The following CBLN3 variants were observed in gnomAD, a reference collection of about 807,000 sequenced individuals.
CBLN3 encodes the protein cerebellin-3.
In CBLN3, 14 loss-of-function variants were observed where a neutral mutation model predicts 17.4. That is an observed-to-expected ratio of 0.81 (90% confidence interval 0.53 to 1.26). CBLN3 has a LOEUF of 1.26. CBLN3 is among the 50% of genes most tolerant of loss of function. The probability of loss-of-function intolerance (pLI) is 0.00; values close to 1 mark genes in which losing one functional copy is unlikely to be tolerated. For missense variants in CBLN3, 263 were observed against 268.5 expected (o/e 0.98, Z 0.14); for synonymous variants, 129 against 117.4 (o/e 1.10, Z -0.64).
rs1296396462 is a variant in CBLN3, at chr14:24,429,357, C to T, written c.-303G>A. On this transcript the variant is annotated 5_prime_UTR_variant, in exon 1 of 3. Coordinates refer to ENST00000267406, the MANE Select transcript of CBLN3 (RefSeq NM_001039771.3). ...CTGCAGCCAGAGCTTCAGGGCAGCC[C>T]TGCTGGATGGGACAGCACTGAGGGC... is the stretch of plus-strand genomic sequence containing the variant. 3 of 632,640 alleles carry T rather than the reference C, an allele frequency of 4.7e-6. No individual in the cohort carries two copies. In the East Asian group the frequency reaches 9.7e-5, roughly 21 times the overall value. 39.2% of individuals were successfully genotyped at this position (632,640 alleles called of 1,614,324 possible). A position where few individuals can be genotyped will look rare whatever the true frequency, so the allele number is the denominator to read the frequency against.
At position 24,428,153 on chromosome 14, in the gene CBLN3, A is replaced by G. The variant is rs1037326743; in HGVS notation, c.420+133T>C. On this transcript the variant is annotated intron_variant, in intron 2 of 2. Coordinates refer to ENST00000267406, the MANE Select transcript of CBLN3 (RefSeq NM_001039771.3). ...ACATCCTCCACACTCAATGCAAGGC[A>G]GGCCCATTCCTCCCCTGGTCCTGGC... 7.3e-6 allele frequency: 10 copies of G among 1,372,388 alleles called. No homozygotes were observed. The Admixed American group carries it at 1.9e-4, about 27-fold the overall frequency. The allele number at this position is 1,372,388 out of a possible 1,614,324, so 85.0% of individuals were successfully genotyped here.
intron 1 of CBLN3, 50 bp from the exon 2 acceptor site, chr14:24,428,455 C>T (rs758155600): frequency 7.5e-6 from 12 of 1,607,222 alleles, no homozygotes; most frequent in Non-Finnish European, 1.0e-5. Context: ...GCCCATGGCT[C>T]AGGGGTACCA....
chr14:24,428,859 C>T lies in CBLN3; in HGVS notation c.196G>A (p.Glu66Lys). ...AATGCCACTCGCCCAGGGGGTGCCT[C>T]TCCCAGGGCTGCTCCCCCGGGCCCC... Reference protein sequence around the residue: ...AGGPGGAALGEAPPGRVAFAA... With the variant: ...AGGPGGAALGKAPPGRVAFAA... The change falls in exon 1 of 3, where the codon GAG becomes AAG. Residue 66 changes from glutamate (E) to lysine (K), a missense_variant. Coordinates refer to ENST00000267406, the MANE Select transcript of CBLN3 (RefSeq NM_001039771.3). 2.5e-6 allele frequency: 4 copies of T among 1,610,804 alleles called. 1 individual carries two copies. The East Asian group carries it at 6.7e-5, about 27-fold the overall frequency.
Position 24,429,158 on chromosome 14 carries a change from T to C in CBLN3, c.-104A>G. 2 of 1,230,386 alleles carry C rather than the reference T, an allele frequency of 1.6e-6. No homozygotes were observed. The highest frequency in any genetic ancestry group is 2.2e-6 in the Non-Finnish European group (2 of 898,400). The allele number at this position is 1,230,386 out of a possible 1,614,324, so 76.2% of individuals were successfully genotyped here. On this transcript the variant is annotated 5_prime_UTR_variant, in exon 1 of 3. Transcript: ENST00000267406. ...CCGCCGGCACCCTGATCGTCTGCCC[T>C]CTCTAGGCTCGCTGAACCCCCTCTC...
In CBLN3 at chr14:24,428,995, C is replaced by A. The variant is rs1389130769; in HGVS notation, c.60G>T (p.Leu20Phe). ...CCCCCAGGGCCAGAAGCACCAGAACCAAGGGCAGCCCGGGACTGTGTAGGG... is the reference window on the plus strand; with the variant it reads ...CCCCCAGGGCCAGAAGCACCAGAACAAAGGGCAGCCCGGGACTGTGTAGGG... Reference protein sequence around the residue: ...PGPLHSPGLPLVLVLLALGAG... With the variant: ...PGPLHSPGLPFVLVLLALGAG... Residue 20 changes from leucine to phenylalanine, a missense_variant, in exon 1 of 3, where the codon TTG (leucine) becomes TTT (phenylalanine). Leu to Phe is a conservative substitution (Grantham distance 22, BLOSUM62 0). Coordinates refer to ENST00000267406, the MANE Select transcript of CBLN3 (RefSeq NM_001039771.3). The A allele has an allele frequency of 1.3e-6, 2 of 1,549,876 alleles. No individual in the cohort carries two copies. Among genetic ancestry groups the A allele is most frequent in the Admixed American group, 3.9e-5 (2 of 50,892 alleles).
At position 24,429,107 on chromosome 14, in the gene CBLN3, T is replaced by C. The variant is rs2043058677; in HGVS notation, c.-53A>G. 8.3e-6 allele frequency: 12 copies of C among 1,451,452 alleles called. No individual in the cohort carries two copies. Among genetic ancestry groups the C allele is most frequent in the Non-Finnish European group, 1.1e-5 (12 of 1,096,630 alleles). The allele number at this position is 1,451,452 out of a possible 1,614,324, so 89.9% of individuals were successfully genotyped here. A position where few individuals can be genotyped will look rare whatever the true frequency, so the allele number is the denominator to read the frequency against. Reference sequence around the variant, plus strand: ...GCCCCGGTCTTCTGCCCCTCTTCTGTTTCCGCTCCTCTCCCTGGATTCTCA... The same window carrying C: ...GCCCCGGTCTTCTGCCCCTCTTCTGCTTCCGCTCCTCTCCCTGGATTCTCA... On this transcript the variant is annotated 5_prime_UTR_variant, in exon 1 of 3. Transcript: ENST00000267406.
rs980706749 is a variant in CBLN3 at position 24,427,680 on chromosome 14, G to A, written c.*109C>T. 5.0e-6 allele frequency: 5 copies of A among 990,474 alleles called. No homozygotes were observed. Among genetic ancestry groups the A allele is most frequent in the African/African-American group, 4.8e-5 (3 of 62,342 alleles). The allele number at this position is 990,474 out of a possible 1,614,324, so 61.4% of individuals were successfully genotyped here. A position where few individuals can be genotyped will look rare whatever the true frequency, so the allele number is the denominator to read the frequency against. On this transcript the variant is annotated 3_prime_UTR_variant, in exon 3 of 3. Coordinates refer to ENST00000267406, the MANE Select transcript of CBLN3 (RefSeq NM_001039771.3). The surrounding 1 kb of genome is among the most constrained non-coding windows in gnomAD (Gnocchi z 4.4). ...GCACAGGGTCCCATGCAAAGAGGTG[G>A]GATAGGAGCCAGAGGGAGTCTCTCT... is the stretch of plus-strand genomic sequence containing the variant.
At position 24,428,972 on chromosome 14, in the gene CBLN3, C is replaced by T; in HGVS notation, c.83G>A (p.Gly28Glu). ...TGACCCCTCCTGGGCCCACCCGGCC[C>T]CCAGGGCCAGAAGCACCAGAACCAA... ...LPLVLVLLAL[G>E]AGWAQEGSEP... The change falls in exon 1 of 3, where the codon GGG becomes GAG. Residue 28 changes from glycine to glutamate, a missense_variant. Gly to Glu is a moderately conservative substitution (Grantham distance 98). Coordinates refer to ENST00000267406, the MANE Select transcript of CBLN3 (RefSeq NM_001039771.3). 1 of 1,551,204 alleles carries T rather than the reference C, an allele frequency of 6.4e-7. No homozygotes were observed. Among genetic ancestry groups the T allele is most frequent in the South Asian group, 1.2e-5 (1 of 84,146 alleles).
Position 24,428,408 on chromosome 14 carries a change from G to C in CBLN3, c.301-3C>G. 6.2e-7 allele frequency: 1 copy of C among 1,613,390 alleles called. No homozygotes were observed. The highest frequency in any genetic ancestry group is 8.5e-7 in the Non-Finnish European group (1 of 1,179,548). ...CCACCGCCCTCGTTCACCAGGACCT[G>C]GGGGAAGCAGAGCCTGCTGAGTGGG... is the stretch of plus-strand genomic sequence containing the variant. On this transcript the variant is annotated splice_region_variant and splice_polypyrimidine_tract_variant and intron_variant, in intron 1 of 2. Transcript: ENST00000267406.
chr14:24,428,230 C>T, intron 2 of CBLN3, 56 bp downstream of exon 2: 1 of 1,601,358 alleles, frequency 6.2e-7, no homozygotes, highest in Admixed American at 1.7e-5. Flanking sequence ...CTGGGCTCCC[C>T]TTCTTCCCCC....
chr14:24,429,390 G>A lies in CBLN3; in HGVS notation c.-336C>T, dbSNP rs1420207468. 1 of 595,650 alleles carries A rather than the reference G, an allele frequency of 1.7e-6. No homozygotes were observed. Among genetic ancestry groups the A allele is most frequent in the Admixed American group, 2.1e-5 (1 of 46,536 alleles). 36.9% of individuals were successfully genotyped at this position (595,650 alleles called of 1,614,324 possible). A position where few individuals can be genotyped will look rare whatever the true frequency, so the allele number is the denominator to read the frequency against. On this transcript the variant is annotated 5_prime_UTR_variant, in exon 1 of 3. Transcript: ENST00000267406. ...TGGGACAGCACTGAGGGCTGGACCT[G>A]GGGGGATGGAGAACATGGTATGTGT...
chr14:24,428,491 G>C lies in CBLN3; in HGVS notation c.301-86C>G, dbSNP rs2043047960. 4 of 1,492,822 alleles carry C rather than the reference G, an allele frequency of 2.7e-6. No homozygotes were observed. The South Asian group carries it at 4.8e-5, about 18-fold the overall frequency. 92.5% of individuals were successfully genotyped at this position (1,492,822 alleles called of 1,614,324 possible). A position where few individuals can be genotyped will look rare whatever the true frequency, so the allele number is the denominator to read the frequency against. On this transcript the variant is annotated intron_variant, in intron 1 of 2. Coordinates refer to ENST00000267406, the MANE Select transcript of CBLN3 (RefSeq NM_001039771.3). ...TGGGGACTAGGGGCAGGGGCAGTGAGTAATGAATAGAAGGAGTGGCAAGTA... is the reference window on the plus strand; with the variant it reads ...TGGGGACTAGGGGCAGGGGCAGTGACTAATGAATAGAAGGAGTGGCAAGTA...
chr14:24,429,241 T>G lies in CBLN3; in HGVS notation c.-187A>C. On this transcript the variant is annotated 5_prime_UTR_variant, in exon 1 of 3. Transcript: ENST00000267406. Reference sequence around the variant, plus strand: ...ACTCTTACTCCTGCTGTCACTGCAGTTCCCTCCTCCTTGGCAGAGCATGCA... The same window carrying G: ...ACTCTTACTCCTGCTGTCACTGCAGGTCCCTCCTCCTTGGCAGAGCATGCA... The G allele has an allele frequency of 1.4e-6, 1 of 699,300 alleles. No individual in the cohort carries two copies. Among genetic ancestry groups the G allele is most frequent in the Non-Finnish European group, 2.5e-6 (1 of 404,902 alleles). 43.3% of individuals were successfully genotyped at this position (699,300 alleles called of 1,614,324 possible).
chr14:24,427,437 T>G lies in CBLN3; in HGVS notation c.*352A>C, dbSNP rs2043031102. On this transcript the variant is annotated 3_prime_UTR_variant, in exon 3 of 3. Coordinates refer to ENST00000267406, the MANE Select transcript of CBLN3 (RefSeq NM_001039771.3). The surrounding 1 kb of genome is among the most constrained non-coding windows in gnomAD (Gnocchi z 4.4). ...CAGGCTCACCTGCGCCACCTGTCCC[T>G]GATCAGCATTGAGCAGGAAGCTGGG... is the stretch of plus-strand genomic sequence containing the variant. The G allele has an allele frequency of 4.0e-6, 1 of 248,630 alleles. No homozygotes were observed. The highest frequency in any genetic ancestry group is 7.9e-6 in the Non-Finnish European group (1 of 126,888). The allele number at this position is 248,630 out of a possible 1,614,324, so 15.4% of individuals were successfully genotyped here.
In CBLN3 at chr14:24,427,573, G is replaced by C. The variant is rs1472321364; in HGVS notation, c.*216C>G. 7.1e-6 allele frequency: 4 copies of C among 565,842 alleles called. No individual in the cohort carries two copies. The highest frequency in any genetic ancestry group is 1.3e-5 in the Non-Finnish European group (4 of 318,618). The allele number at this position is 565,842 out of a possible 1,614,324, so 35.1% of individuals were successfully genotyped here. A position where few individuals can be genotyped will look rare whatever the true frequency, so the allele number is the denominator to read the frequency against. On this transcript the variant is annotated 3_prime_UTR_variant, in exon 3 of 3. Coordinates refer to ENST00000267406, the MANE Select transcript of CBLN3 (RefSeq NM_001039771.3). This position sits in a 1 kb window ranked among gnomAD's most constrained non-coding sequence, Gnocchi z 4.4. ...AGGAACAGATGCAGCAGGTGGCTGG[G>C]AGGGTAACTGGGGGTGGGTGGGTGG...
chr14:24,428,147 C>T, intron 2 of CBLN3, 139 bp downstream of exon 2: 2 of 1,359,144 alleles, frequency 1.5e-6, no homozygotes, highest in South Asian at 1.3e-5. Flanking sequence ...ACACTCAATG[C>T]AAGGCAGGCC....
rs146562304 is a variant in CBLN3 at position 24,428,350 on chromosome 14, G to C, written c.356C>G (p.Pro119Arg). Residue 119 changes from proline to arginine, a missense_variant, in exon 2 of 3, where the codon CCT (proline) becomes CGT (arginine). Transcript: ENST00000267406. Reference sequence around the variant, plus strand: ...CCGGAAGCTGTAGACACCCCGGACAGGGGCTACGAAGGAGCCAGAGGCCCG... The same window carrying C: ...CCGGAAGCTGTAGACACCCCGGACACGGGCTACGAAGGAGCCAGAGGCCCG... ...FDRASGSFVA[P>R]VRGVYSFRFH... The C allele has an allele frequency of 1.2e-5, 19 of 1,613,976 alleles. No homozygotes were observed. The South Asian group carries it at 1.3e-4, about 11-fold the overall frequency.
At position 24,428,271 on chromosome 14, in the gene CBLN3, C is replaced by T. The variant is rs780235157; in HGVS notation, c.420+15G>A. On this transcript the variant is annotated intron_variant, in intron 2 of 2. Coordinates refer to ENST00000267406, the MANE Select transcript of CBLN3 (RefSeq NM_001039771.3). ...ACCCTCCTGAGCCGGGGATGGGGGCCAGTGCTGAGGTCACCTGGACAGTTT... is the reference window on the plus strand; with the variant it reads ...ACCCTCCTGAGCCGGGGATGGGGGCTAGTGCTGAGGTCACCTGGACAGTTT... 6.2e-7 allele frequency: 1 copy of T among 1,613,012 alleles called. No homozygotes were observed. Among genetic ancestry groups the T allele is most frequent in the Non-Finnish European group, 8.5e-7 (1 of 1,179,722 alleles).
In CBLN3 at chr14:24,427,921, C is replaced by A; in HGVS notation, c.486G>T (p.Arg162=). 6.2e-7 allele frequency: 1 copy of A among 1,613,954 alleles called. No individual in the cohort carries two copies. Among genetic ancestry groups the A allele is most frequent in the Non-Finnish European group, 8.5e-7 (1 of 1,179,930 alleles). The change falls in exon 3 of 3, where the codon CGG becomes CGT. Residue 162 remains arginine (R), a synonymous_variant. Coordinates refer to ENST00000267406, the MANE Select transcript of CBLN3 (RefSeq NM_001039771.3). This position sits in a 1 kb window ranked among gnomAD's most constrained non-coding sequence, Gnocchi z 4.4. ...GTAGCACAGAGCTGGTGGCTGCCTC[C>A]CGGGTCACGTCAGGATCATTGGCAA... ...SAFANDPDVT[R]EAATSSVLLP...
Sources: allele counts gnomAD v4.1 joint callset, GRCh38; gene constraint gnomAD v4.1.1; non-coding constraint Gnocchi (gnomAD v3.1); transcripts MANE v1.5; gene names NCBI Gene and HGNC (gene_info 2026-07-23, HGNC 2026-07-21).